The following FREM2 variants were observed in gnomAD, a reference collection of about 807,000 sequenced individuals.
The protein encoded by FREM2 is FRAS1 related extracellular matrix 2.
A neutral mutation model predicts 219.9 loss-of-function variants in FREM2; 119 were observed. The ratio of observed to expected loss-of-function variants is 0.54; its 90% CI spans 0.47 to 0.63. The LOEUF (loss-of-function observed/expected upper bound fraction) is 0.63, where lower values mean the gene tolerates loss of function less well. FREM2 is among the 30% of genes least tolerant of loss of function. The pLI, the probability that FREM2 is intolerant of heterozygous loss-of-function variation, is 0.00. For missense variants in FREM2, 4,030 were observed against 3,993.6 expected (o/e 1.01, Z -0.25); for synonymous variants, 1,562 against 1,522.8 (o/e 1.03, Z -0.60).
chr13:38,824,153 T>C (rs1398924464), intron 6 of FREM2, among the ~76,000 whole-genome samples: 1 of 151,882 alleles, frequency 6.6e-6, no homozygotes, highest in Non-Finnish European at 1.5e-5. Flanking sequence ...AAAGATATGT[T>C]ATGATGATTT....
At chr13:38,775,893 A>G (rs1471579824) in intron 4 of FREM2, among the ~76,000 whole-genome samples, 1 of 152,218 alleles carries the variant, frequency 6.6e-6, no homozygotes, top group African/African-American at 2.4e-5. Flanking sequence ...TGCTGGGACT[A>G]TAGGTGTGAG....
chr13:38,751,237 G>A (rs1025663614), intron 2 of FREM2, among the ~76,000 whole-genome samples: 2 of 149,264 alleles, frequency 1.3e-5, no homozygotes, highest in African/African-American at 2.5e-5. Flanking sequence ...TTTTCATAAG[G>A]GCTGTACCAA....
intron 6 of FREM2, among the ~76,000 whole-genome samples, chr13:38,832,763 A>T (rs938019730): frequency 1.3e-5 from 2 of 152,126 alleles, no homozygotes; most frequent in African/African-American, 2.4e-5. Flanking sequence ...GTTAAGTCTC[A>T]GCAGGGTTCA....
chr13:38,867,511 G>A (rs79938568), intron 16 of FREM2, among the ~76,000 whole-genome samples: 1 of 152,260 alleles, frequency 6.6e-6, no homozygotes, highest in African/African-American at 2.4e-5. Context: ...GTTAGTCAGG[G>A]TTCTCCCCAG....
rs1006446916 is a variant in FREM2 at position 38,877,339 on chromosome 13, T to C, written c.8671+96T>C. On this transcript the variant is annotated intron_variant, in intron 21 of 23. Transcript: ENST00000280481. ...TGTGTTTGAGGGGGCAAATTATAGCTTTTTTTATGGTTTTGAGAATGTAAC... is the reference window on the plus strand; with the variant it reads ...TGTGTTTGAGGGGGCAAATTATAGCCTTTTTTATGGTTTTGAGAATGTAAC... The C allele has an allele frequency of 2.9e-5, 39 of 1,331,250 alleles. No homozygotes were observed. In the Admixed American group the frequency reaches 6.6e-4, roughly 22 times the overall value. The allele number at this position is 1,331,250 out of a possible 1,614,324, so 82.5% of individuals were successfully genotyped here.
chr13:38,833,235 C>G (rs931461746), intron 6 of FREM2, among the ~76,000 whole-genome samples: 1 of 151,998 alleles, frequency 6.6e-6, no homozygotes, highest in African/African-American at 2.4e-5. Context: ...ACCTAAAAAA[C>G]TTTTTTAACT....
At chr13:38,743,088 A>T (rs1872315558) in intron 2 of FREM2, among the ~76,000 whole-genome samples, 1 of 152,148 alleles carries the variant, frequency 6.6e-6, no homozygotes, top group Non-Finnish European at 1.5e-5. Context: ...TGATTTAACT[A>T]AATCCATGCT....
intron 6 of FREM2, among the ~76,000 whole-genome samples, chr13:38,828,300 A>AAT (rs750744566): frequency 1.6e-4 from 24 of 152,278 alleles, no homozygotes; most frequent in Non-Finnish European, 2.2e-4. Context: ...TAAAGACAGA[A>AAT]ATATATATAA....
At chr13:38,697,917 G>A in intron 2 of FREM2, 130 bp downstream of exon 2, 1 of 708,926 alleles carries the variant, frequency 1.4e-6, no homozygotes, top group South Asian at 1.5e-5. Context: ...CCTGGTATTT[G>A]CTGTAGACAA....
At chr13:38,748,231 G>C (rs1044114571) in intron 2 of FREM2, among the ~76,000 whole-genome samples, 8 of 152,162 alleles carry the variant, frequency 5.3e-5, no homozygotes, top group African/African-American at 1.9e-4. Context: ...GTAGTCAGTT[G>C]TGTTTACCTG....
Position 38,690,918 on chromosome 13 carries a change from G to A in FREM2, c.3574G>A (p.Glu1192Lys). ...CATTCCCACCAATGATGAACAGCCAGAGATGTTTATGAGAGAATTTATGGT... is the reference window on the plus strand; with the variant it reads ...CATTCCCACCAATGATGAACAGCCAAAGATGTTTATGAGAGAATTTATGGT... ...VIIPTNDEQP[E>K]MFMREFMVME... The change falls in exon 1 of 24, where the codon GAG becomes AAG. Residue 1192 changes from glutamate (E) to lysine (K), a missense_variant. Physicochemically the swap from Glu to Lys is moderately conservative, Grantham distance 56. Around this residue, in one of 2 missense-constraint regions of FREM2, gnomAD observed 3,102 missense variants for 2,950.7 expected, o/e 1.05. Transcript: ENST00000280481. 6.2e-7 allele frequency: 1 copy of A among 1,614,152 alleles called. No individual in the cohort carries two copies. The highest frequency in any genetic ancestry group is 8.5e-7 in the Non-Finnish European group (1 of 1,180,012).
chr13:38,865,191 CTTATTG>C (rs1469281072), intron 16 of FREM2, among the ~76,000 whole-genome samples: 2 of 152,014 alleles, frequency 1.3e-5, no homozygotes, highest in African/African-American at 4.8e-5. Flanking sequence ...TTTATTAAAA[CTTATTG>C]TTATTTGCAC....
chr13:38,846,462 G>T, intron 6 of FREM2, 111 bp from the exon 7 acceptor site: 1 of 1,077,478 alleles, frequency 9.3e-7, no homozygotes, highest in East Asian at 2.6e-5. Flanking sequence ...AAAGTATGAT[G>T]ATATAAGGAA....
rs199699933 is a variant in FREM2, at chr13:38,837,765, G to T, written c.6020-8808G>T. On this transcript the variant is annotated intron_variant, in intron 6 of 23. Coordinates refer to ENST00000280481, the MANE Select transcript of FREM2 (RefSeq NM_207361.6). ...TAAGAGACTAGGATTGCAACCCCTGGTTTTTTTTTGTTTTGTTTTGTTTTG... is the reference window on the plus strand; with the variant it reads ...TAAGAGACTAGGATTGCAACCCCTGTTTTTTTTTTGTTTTGTTTTGTTTTG... 3.3e-4 allele frequency among the ~76,000 whole-genome samples: 47 copies of T among 140,534 alleles called. 3 individuals carry two copies. The East Asian group carries it at 4.3e-3, about 13-fold the overall frequency. 92.2% of individuals were successfully genotyped at this position (140,534 alleles called of 152,430 possible).
At chr13:38,869,418 ACATT>A (rs1275522317) in intron 16 of FREM2, among the ~76,000 whole-genome samples, 1 of 152,210 alleles carries the variant, frequency 6.6e-6, no homozygotes, top group Non-Finnish European at 1.5e-5. Context: ...ATTTATTTGT[ACATT>A]CATTCATTAA....
chr13:38,827,355 G>A (rs1431408666), intron 6 of FREM2: 3 of 152,058 alleles, frequency 2.0e-5, no homozygotes, highest in East Asian at 1.9e-4. Context: ...TAAATGTAGC[G>A]ATTATAATAT....
chr13:38,710,810 T>C (rs919589019), intron 2 of FREM2, among the ~76,000 whole-genome samples: 11 of 152,200 alleles, frequency 7.2e-5, no homozygotes, highest in Admixed American at 5.2e-4. Context: ...AAAAACAGAA[T>C]AGGCTTACCA....
chr13:38,864,663 T>A, intron 16 of FREM2, 57 bp downstream of exon 16: 1 of 1,488,190 alleles, frequency 6.7e-7, no homozygotes, highest in South Asian at 1.1e-5. Flanking sequence ...GTTTGTTTTG[T>A]CACATAGATT....
chr13:38,868,758 C>T (rs1291491224), intron 16 of FREM2, among the ~76,000 whole-genome samples: 4 of 152,112 alleles, frequency 2.6e-5, no homozygotes, highest in Non-Finnish European at 5.9e-5. Flanking sequence ...TGAGATGGCA[C>T]CTGAAGGAAA....
Sources: allele counts gnomAD v4.1 joint callset (sites outside exome capture counted in the v4.1 genomes callset), GRCh38; gene constraint gnomAD v4.1.1; regional missense constraint gnomAD v4.1.1; transcripts MANE v1.5; gene names NCBI Gene and HGNC (gene_info 2026-07-23, HGNC 2026-07-21).